Variants in GRIK4 observed in about 807,000 individuals in gnomAD.
The protein encoded by GRIK4 is glutamate receptor ionotropic, kainate 4.
GRIK4 carries 40 observed loss-of-function variants against 104.9 expected under a neutral mutation model. The observed-to-expected ratio is 0.38, with a 90% CI of 0.30 to 0.50. The LOEUF is 0.50. Ranked by LOEUF, GRIK4 falls within the 20% of genes least tolerant of loss-of-function variation. GRIK4 has a pLI of 0.93. For missense variants in GRIK4, 1,047 were observed against 1,308.1 expected (o/e 0.80, Z 3.08); for synonymous variants, 485 against 524.9 (o/e 0.92, Z 1.04).
At chr11:120,702,794 C>T (rs1207454011) in intron 3 of GRIK4, among the ~76,000 whole-genome samples, 1 of 152,176 alleles carries the variant, frequency 6.6e-6, no homozygotes, top group Non-Finnish European at 1.5e-5. Flanking sequence ...AAACAATATC[C>T]CATGGGTCAT....
At chr11:120,861,907 C>T in intron 8 of GRIK4, 52 bp from the exon 9 acceptor site, 1 of 1,400,620 alleles carries the variant, frequency 7.1e-7, no homozygotes, top group Non-Finnish European at 1.0e-6. Context: ...GTCCATCCCT[C>T]ACTTCACCCC....
At chr11:120,651,718 C>T (rs1406945957) in intron 1 of GRIK4, among the ~76,000 whole-genome samples, 2 of 152,150 alleles carry the variant, frequency 1.3e-5, no homozygotes, top group Non-Finnish European at 1.5e-5. Flanking sequence ...TATCCTAACT[C>T]ATCACAGACT....
At chr11:120,553,495 A>G (rs1023727224) in intron 1 of GRIK4, among the ~76,000 whole-genome samples, 1 of 152,214 alleles carries the variant, frequency 6.6e-6, no homozygotes, top group Non-Finnish European at 1.5e-5. Flanking sequence ...GGATGTGGAA[A>G]GAGAGGGGAA....
chr11:120,819,928 T>G lies in GRIK4; in HGVS notation c.511+8T>G. On this transcript the variant is annotated splice_region_variant and intron_variant, in intron 6 of 20. Coordinates refer to ENST00000527524, the MANE Select transcript of GRIK4 (RefSeq NM_014619.5). This position sits in a 1 kb window ranked among gnomAD's most constrained non-coding sequence, Gnocchi z 4.3. ...TCTGTGCCAAAGCAGAATGTAAGTT[T>G]CCCCAGGCTGGCTCTGCCCCAGACA... 6.2e-7 allele frequency: 1 copy of G among 1,613,138 alleles called. No homozygotes were observed. The highest frequency in any genetic ancestry group is 2.2e-5 in the East Asian group (1 of 44,874).
chr11:120,918,665 A>G (rs1005430538), intron 13 of GRIK4, among the ~76,000 whole-genome samples: 7 of 152,178 alleles, frequency 4.6e-5, no homozygotes, highest in African/African-American at 1.7e-4. Flanking sequence ...GCCAATCTTT[A>G]TAATTCATAC....
chr11:120,977,719 C>T (rs1205626692), intron 19 of GRIK4, among the ~76,000 whole-genome samples: 1 of 152,220 alleles, frequency 6.6e-6, no homozygotes, highest in African/African-American at 2.4e-5. Flanking sequence ...GAAAGAAAGA[C>T]TATGGGGTGT....
intron 13 of GRIK4, among the ~76,000 whole-genome samples, chr11:120,907,341 C>T (rs1466115537): frequency 1.3e-5 from 2 of 152,044 alleles, no homozygotes; most frequent in Non-Finnish European, 2.9e-5. Flanking sequence ...TTATTAGCCC[C>T]CTAATGAGCT....
rs1942576090 is a variant in GRIK4, at chr11:120,896,195, TCAGA to T, written c.1165-2333_1165-2330del. Among the ~76,000 whole-genome samples the T allele has an allele frequency of 2.0e-5, 3 of 151,632 alleles. No homozygotes were observed. In the South Asian group the frequency reaches 6.3e-4, roughly 32 times the overall value. ...CATGTGCAATTGAATGGTGGAGGAG[TCAGA>T]CAGGATGACCAGGCAGGCTTCCTCA... On this transcript the variant is annotated intron_variant, in intron 11 of 20. Transcript: ENST00000527524.
At chr11:120,795,354 C>T (rs929043456) in intron 3 of GRIK4, among the ~76,000 whole-genome samples, 1 of 152,166 alleles carries the variant, frequency 6.6e-6, no homozygotes, top group South Asian at 2.1e-4. Context: ...GGAGAGCAGC[C>T]AGCCCCGGGG....
chr11:120,866,817 C>T (rs920747264), intron 9 of GRIK4, among the ~76,000 whole-genome samples: 2 of 152,168 alleles, frequency 1.3e-5, no homozygotes, highest in African/African-American at 2.4e-5. Flanking sequence ...ATAAAATGGA[C>T]GAGTGTTCTT....
At chr11:120,900,287 GA>G (rs1364756336) in intron 12 of GRIK4, among the ~76,000 whole-genome samples, 2 of 152,246 alleles carry the variant, frequency 1.3e-5, no homozygotes, top group Non-Finnish European at 2.9e-5. Flanking sequence ...GCATAAGCCA[GA>G]AAAGTGGGTT....
At chr11:120,724,573 C>G (rs1950994894) in intron 3 of GRIK4, among the ~76,000 whole-genome samples, 1 of 152,210 alleles carries the variant, frequency 6.6e-6, no homozygotes, top group African/African-American at 2.4e-5. Flanking sequence ...AGATTCAGGA[C>G]AGTCCAACAC....
intron 1 of GRIK4, among the ~76,000 whole-genome samples, chr11:120,634,812 C>A (rs926607777): frequency 1.3e-5 from 2 of 152,176 alleles, no homozygotes; most frequent in African/African-American, 2.4e-5. Flanking sequence ...CCTTCCTCCT[C>A]TCTGCCAATC....
rs939454185 is a variant in GRIK4 at position 120,960,979 on chromosome 11, A to G, written c.1945A>G (p.Met649Val). The G allele has an allele frequency of 6.2e-7, 1 of 1,614,016 alleles. No individual in the cohort carries two copies. The highest frequency in any genetic ancestry group is 8.5e-7 in the Non-Finnish European group (1 of 1,179,982). ...NLAAFLTVQRMDVPIESVDDL... is the reference protein window; with the variant it reads ...NLAAFLTVQRVDVPIESVDDL... ...GGCAGCCTTCCTGACCGTGCAGCGCATGGATGTGCCCATTGAGTCAGTGGA... is the reference window on the plus strand; with the variant it reads ...GGCAGCCTTCCTGACCGTGCAGCGCGTGGATGTGCCCATTGAGTCAGTGGA... Residue 649 changes from methionine (M) to valine (V), a missense_variant, in exon 17 of 21, where the codon ATG becomes GTG. By Grantham distance (21) the Met-to-Val change is conservative. This residue lies in a region of GRIK4 where 440 missense variants were observed against 652.3 expected (regional missense o/e 0.67). Coordinates refer to ENST00000527524, the MANE Select transcript of GRIK4 (RefSeq NM_014619.5).
intron 19 of GRIK4, among the ~76,000 whole-genome samples, chr11:120,973,307 G>A (rs761962810): frequency 6.6e-6 from 1 of 152,162 alleles, no homozygotes; most frequent in Non-Finnish European, 1.5e-5. Flanking sequence ...GGCAGAAAGG[G>A]AGATCAGGCT....
At chr11:120,925,330 A>G (rs1429104220) in intron 13 of GRIK4, among the ~76,000 whole-genome samples, 1 of 152,202 alleles carries the variant, frequency 6.6e-6, no homozygotes, top group African/African-American at 2.4e-5. Context: ...TCGGGCTCCT[A>G]CAACAGCAGA....
intron 13 of GRIK4, among the ~76,000 whole-genome samples, chr11:120,907,200 T>C (rs1254323773): frequency 1.3e-5 from 2 of 152,218 alleles, no homozygotes; most frequent in East Asian, 3.8e-4. Context: ...AAAGCCGAAA[T>C]GCCAGGCCTT....
At chr11:120,756,938 A>G (rs1409259475) in intron 3 of GRIK4, among the ~76,000 whole-genome samples, 2 of 152,188 alleles carry the variant, frequency 1.3e-5, no homozygotes, top group African/African-American at 4.8e-5. Flanking sequence ...CTCCTGCCTG[A>G]AGAACACAGG....
rs541331859 is a variant in GRIK4, at chr11:120,617,349, T to TTTTTA, written c.-158-36314_-158-36310dup. Among the ~76,000 whole-genome samples, 46 of 152,086 alleles carry TTTTTA rather than the reference T, an allele frequency of 3.0e-4. 1 individual carries two copies. Among genetic ancestry groups the TTTTTA allele is most frequent in the South Asian group, 8.3e-4 (4 of 4,822 alleles). ...TAATAGTTCATGACTGGGAAAAGCT[T>TTTTTA]TTTTATTTTATTTTATTTTATTTTA... On this transcript the variant is annotated intron_variant, in intron 1 of 20. Coordinates refer to ENST00000527524, the MANE Select transcript of GRIK4 (RefSeq NM_014619.5).
Sources: allele counts gnomAD v4.1 joint callset (sites outside exome capture counted in the v4.1 genomes callset), GRCh38; gene constraint gnomAD v4.1.1; regional missense constraint gnomAD v4.1.1; non-coding constraint Gnocchi (gnomAD v3.1); transcripts MANE v1.5; gene names NCBI Gene and HGNC (gene_info 2026-07-23, HGNC 2026-07-21).